CAMTA1: variants seen among roughly 807,000 people sequenced by gnomAD.
CAMTA1 encodes calmodulin binding transcription activator 1.
A neutral mutation model predicts 170.9 loss-of-function variants in CAMTA1; 27 were observed. The ratio of observed to expected loss-of-function variants is 0.16; its 90% CI spans 0.12 to 0.22. The LOEUF (loss-of-function observed/expected upper bound fraction) is 0.22. Ranked by LOEUF, CAMTA1 falls within the 10% of genes least tolerant of loss-of-function variation. The pLI is 1.00. For synonymous variants in CAMTA1, 833 were observed against 891.5 expected, an observed-to-expected ratio of 0.93 and a Z score of 1.17; for missense variants, 1,619 against 2,217.2, an observed-to-expected ratio of 0.73 and a Z score of 5.42.
At chr1:6,951,328 A>G (rs1277455356) in intron 3 of CAMTA1, among the ~76,000 whole-genome samples, 1 of 152,136 alleles carries the variant, frequency 6.6e-6, no homozygotes, top group East Asian at 1.9e-4. Context: ...AAGTGACTTT[A>G]GGTAAGTCAC....
At chr1:6,998,873 T>C (rs1396305402) in intron 3 of CAMTA1, among the ~76,000 whole-genome samples, 1 of 152,292 alleles carries the variant, frequency 6.6e-6, no homozygotes. Flanking sequence ...TATGACATTA[T>C]TTAAATATTC....
chr1:7,627,970 C>T (rs1174653802), intron 6 of CAMTA1, among the ~76,000 whole-genome samples: 4 of 151,852 alleles, frequency 2.6e-5, no homozygotes, highest in Non-Finnish European at 4.4e-5. Flanking sequence ...CCGGCTTAGC[C>T]GAAAGAAGAT....
intron 1 of CAMTA1, among the ~76,000 whole-genome samples, chr1:6,814,727 C>G (rs550120165): frequency 2.0e-5 from 3 of 152,216 alleles, no homozygotes; most frequent in African/African-American, 7.2e-5. Context: ...AGTAAAGGTG[C>G]TAAGTAGTAA....
chr1:7,411,456 T>C (rs923590096), intron 5 of CAMTA1, among the ~76,000 whole-genome samples: 22 of 133,284 alleles, frequency 1.7e-4, no homozygotes, highest in Middle Eastern at 5.7e-3. Flanking sequence ...GGAGAATCGA[T>C]AGAACCTGGG....
chr1:7,049,307 G>A (rs775725184), intron 3 of CAMTA1, among the ~76,000 whole-genome samples: 15 of 151,992 alleles, frequency 9.9e-5, no homozygotes, highest in Admixed American at 3.9e-4. Context: ...AGGGGGCAGC[G>A]TCAAGGCCAG....
intron 6 of CAMTA1, among the ~76,000 whole-genome samples, chr1:7,577,301 G>A (rs1020125027): frequency 2.2e-5 from 2 of 92,778 alleles, no homozygotes; most frequent in African/African-American, 8.5e-5. Context: ...ACTGAAAAGG[G>A]CCCCCCCTTG....
chr1:7,705,858 C>G (rs574804876), intron 11 of CAMTA1, among the ~76,000 whole-genome samples: 1 of 152,312 alleles, frequency 6.6e-6, no homozygotes, highest in African/African-American at 2.4e-5. Context: ...GCTTTGCTTC[C>G]CTGCAGACTG....
At chr1:7,278,674 G>A (rs1467156307) in intron 5 of CAMTA1, among the ~76,000 whole-genome samples, 3 of 152,182 alleles carry the variant, frequency 2.0e-5, no homozygotes, top group South Asian at 4.2e-4. Flanking sequence ...GTCAGTCTTC[G>A]TTTTCTAATC....
At chr1:7,153,485 C>G (rs963147018) in intron 4 of CAMTA1, among the ~76,000 whole-genome samples, 15 of 152,148 alleles carry the variant, frequency 9.9e-5, no homozygotes, top group African/African-American at 3.6e-4. Flanking sequence ...GCTTCCCTGC[C>G]TCCCTGCGTA....
At chr1:7,000,981 G>T (rs142566682) in intron 3 of CAMTA1, among the ~76,000 whole-genome samples, 65 of 152,222 alleles carry the variant, frequency 4.3e-4, no homozygotes, top group Admixed American at 1.1e-3. Context: ...TTCCCACACC[G>T]ATAGGAAAAA....
chr1:7,677,779 GA>G (rs1553245839), intron 11 of CAMTA1, 46 bp downstream of exon 11: 2 of 1,587,712 alleles, frequency 1.3e-6, no homozygotes, highest in Admixed American at 1.7e-5. Flanking sequence ...AAGGGAGAGG[GA>G]TGCTTGGGGA....
chr1:7,050,867 G>A lies in CAMTA1; in HGVS notation c.235-40437G>A, dbSNP rs535259456. ...TCACACTGGGGTATTTATGGGAGCC[G>A]TGCACAGGAGCGCTGGCCATTCGTC... On this transcript the variant is annotated intron_variant, in intron 3 of 22. Coordinates refer to ENST00000303635, the MANE Select transcript of CAMTA1 (RefSeq NM_015215.4). The surrounding 1 kb of genome is among the most constrained non-coding windows in gnomAD (Gnocchi z 4.8). 9.8e-5 allele frequency among the ~76,000 whole-genome samples: 15 copies of A among 152,310 alleles called. No homozygotes were observed. The South Asian group carries it at 2.7e-3, about 27-fold the overall frequency.
intron 5 of CAMTA1, among the ~76,000 whole-genome samples, chr1:7,268,838 A>G (rs1276473042): frequency 6.6e-6 from 1 of 152,236 alleles, no homozygotes; most frequent in African/African-American, 2.4e-5. Context: ...AGAGGACCCA[A>G]AATAACATAG....
chr1:7,428,324 G>A (rs973583913), intron 5 of CAMTA1, among the ~76,000 whole-genome samples: 17 of 152,066 alleles, frequency 1.1e-4, no homozygotes, highest in Non-Finnish European at 1.9e-4. Flanking sequence ...CAGGGTGTAG[G>A]AGGCGCTCAC....
intron 3 of CAMTA1, among the ~76,000 whole-genome samples, chr1:7,049,445 G>A (rs1056373693): frequency 6.6e-6 from 1 of 151,992 alleles, no homozygotes; most frequent in South Asian, 2.1e-4. Context: ...TTGATTGTTG[G>A]GGTTTTTTGT....
Position 7,174,630 on chromosome 1 carries a change from C to G in CAMTA1, c.303-74861C>G, listed in dbSNP as rs557864808. 1.3e-5 allele frequency among the ~76,000 whole-genome samples: 2 copies of G among 152,216 alleles called. 1 individual carries two copies. Among genetic ancestry groups the G allele is most frequent in the South Asian group, 4.1e-4 (2 of 4,834 alleles). ...ACTTCTGAGGGGGCGCCACGAGAGC[C>G]GCATTTAGGGCGACTGCATAAAGAA... is the stretch of plus-strand genomic sequence containing the variant. On this transcript the variant is annotated intron_variant, in intron 4 of 22. Coordinates refer to ENST00000303635, the MANE Select transcript of CAMTA1 (RefSeq NM_015215.4).
intron 6 of CAMTA1, among the ~76,000 whole-genome samples, chr1:7,603,170 G>T (rs902061274): frequency 6.6e-6 from 1 of 152,318 alleles, no homozygotes; most frequent in African/African-American, 2.4e-5. Flanking sequence ...TTGATTTGGG[G>T]TGGAGAGTTC....
Position 7,093,558 on chromosome 1 carries a change from G to A in CAMTA1, c.302+2187G>A, listed in dbSNP as rs1225251939. On this transcript the variant is annotated intron_variant, in intron 4 of 22. Transcript: ENST00000303635. This position sits in a 1 kb window ranked among gnomAD's most constrained non-coding sequence, Gnocchi z 4.6. ...CATCTGATTTCAGATACGCAGACCCGTGCTGGGTTTCAGCCACCCTTTGAC... is the reference window on the plus strand; with the variant it reads ...CATCTGATTTCAGATACGCAGACCCATGCTGGGTTTCAGCCACCCTTTGAC... 2.0e-5 allele frequency among the ~76,000 whole-genome samples: 3 copies of A among 152,180 alleles called. No individual in the cohort carries two copies. The highest frequency in any genetic ancestry group is 2.9e-5 in the Non-Finnish European group (2 of 68,032).
intron 6 of CAMTA1, among the ~76,000 whole-genome samples, chr1:7,468,287 A>G (rs1149330): frequency 0.54 from 82,931 of 152,168 alleles, 23,276 homozygotes; most frequent in Middle Eastern, 0.66. Context: ...TACAAGGCAC[A>G]TGTGGAAAAC....
Sources: gnomAD v4.1 joint callset for allele counts (sites outside exome capture counted in the v4.1 genomes callset) on GRCh38, gnomAD v4.1.1 for gene constraint, Gnocchi (gnomAD v3.1) non-coding constraint, MANE v1.5 for transcripts, NCBI Gene and HGNC (gene_info 2026-07-23, HGNC 2026-07-21) for gene names.